FGGY: variants seen among roughly 807,000 people sequenced by gnomAD.
FGGY encodes the protein FGGY carbohydrate kinase domain containing, also known as FGGY carbohydrate kinase domain-containing protein.
A neutral mutation model predicts 71.3 loss-of-function variants in FGGY; 72 were observed. The ratio of observed to expected loss-of-function variants is 1.01; its 90% CI spans 0.84 to 1.23. FGGY has a LOEUF of 1.23. FGGY is among the 50% of genes most tolerant of loss of function. The pLI is 0.00. For synonymous variants in FGGY, 251 were observed against 250.3 expected (o/e 1.00, Z -0.02); for missense variants, 668 against 682.3 (o/e 0.98, Z 0.23).
At chr1:59,515,391 T>C (rs2094617667) in intron 7 of FGGY, among the ~76,000 whole-genome samples, 1 of 152,138 alleles carries the variant, frequency 6.6e-6, no homozygotes, top group Admixed American at 6.5e-5. Context: ...ACTTGACTTG[T>C]CTCAGATGAG....
chr1:59,415,665 C>G (rs12239522), intron 5 of FGGY, among the ~76,000 whole-genome samples: 3,228 of 152,306 alleles, frequency 0.021, 94 homozygotes, highest in African/African-American at 0.074. Context: ...TAGCAGTTAT[C>G]ACACTGTTTT....
chr1:59,351,615 A>T (rs530874302), intron 4 of FGGY, among the ~76,000 whole-genome samples: 15 of 152,336 alleles, frequency 9.8e-5, no homozygotes, highest in Non-Finnish European at 1.6e-4. Context: ...TGCTCAGTAC[A>T]TATTTTCTGA....
intron 5 of FGGY, among the ~76,000 whole-genome samples, chr1:59,404,752 G>A (rs1485867540): frequency 6.6e-6 from 1 of 152,184 alleles, no homozygotes; most frequent in Non-Finnish European, 1.5e-5. Context: ...GCTTGATTGA[G>A]TTTGGTGAGA....
intron 14 of FGGY, among the ~76,000 whole-genome samples, chr1:59,699,669 G>T (rs945107102): frequency 2.6e-5 from 4 of 152,128 alleles, no homozygotes; most frequent in Non-Finnish European, 4.4e-5. Flanking sequence ...GCTGAACTTG[G>T]AGTAACATAC....
At chr1:59,313,094 A>G (rs1405395490) in intron 1 of FGGY, among the ~76,000 whole-genome samples, 12 of 152,214 alleles carry the variant, frequency 7.9e-5, no homozygotes, top group African/African-American at 2.9e-4. Context: ...TAATGAGAGC[A>G]GTAAACTGGT....
At chr1:59,647,920 C>T (rs1260271840) in intron 11 of FGGY, among the ~76,000 whole-genome samples, 5 of 98,022 alleles carry the variant, frequency 5.1e-5, no homozygotes, top group Non-Finnish European at 6.1e-5. Flanking sequence ...CACCACAGTC[C>T]CCAGAGTGTG....
At chr1:59,378,301 T>C (rs760882550) in intron 4 of FGGY, among the ~76,000 whole-genome samples, 1 of 152,052 alleles carries the variant, frequency 6.6e-6, no homozygotes, top group Admixed American at 6.6e-5. Flanking sequence ...AGTGAGTAAG[T>C]CTCACAAGAT....
intron 14 of FGGY, among the ~76,000 whole-genome samples, chr1:59,707,517 C>T (rs1357894085): frequency 6.6e-6 from 1 of 152,156 alleles, no homozygotes; most frequent in African/African-American, 2.4e-5. Flanking sequence ...GCCTGAAAGA[C>T]AAGAGAGTGT....
At chr1:59,597,559 C>A (rs2096536342) in intron 8 of FGGY, among the ~76,000 whole-genome samples, 1 of 152,114 alleles carries the variant, frequency 6.6e-6, no homozygotes, top group African/African-American at 2.4e-5. Flanking sequence ...AGAAACTCAC[C>A]CTGGCTTGTA....
chr1:59,573,377 G>T (rs1274511196), intron 8 of FGGY, among the ~76,000 whole-genome samples: 2 of 151,894 alleles, frequency 1.3e-5, no homozygotes, highest in African/African-American at 4.8e-5. Flanking sequence ...TGAATATTTT[G>T]GAGTAAAAGG....
rs1558891776 is a variant in FGGY, at chr1:59,717,603, C to A, written c.1513-40328C>A. ...GTTTGGGATGGCTGAAGAACTTATGCCAAGAAGAGAAGGCACACATGTAGA... is the reference window on the plus strand; with the variant it reads ...GTTTGGGATGGCTGAAGAACTTATGACAAGAAGAGAAGGCACACATGTAGA... On this transcript the variant is annotated intron_variant, in intron 14 of 15. Coordinates refer to ENST00000303721, the MANE Select transcript of FGGY (RefSeq NM_018291.5). Among the ~76,000 whole-genome samples the A allele has an allele frequency of 3.3e-5, 5 of 152,050 alleles. No homozygotes were observed. The South Asian group carries it at 8.3e-4, about 25-fold the overall frequency.
intron 4 of FGGY, among the ~76,000 whole-genome samples, chr1:59,347,095 G>A (rs537714574): frequency 0.045 from 491 of 10,830 alleles, 5 homozygotes; most frequent in African/African-American, 0.16. Flanking sequence ...TTTTTTTTTC[G>A]GTTATTCTTT....
intron 10 of FGGY, chr1:59,626,484 A>G (rs2096857425): frequency 1.3e-5 from 2 of 154,346 alleles, no homozygotes; most frequent in Non-Finnish European, 2.9e-5. Context: ...GAGTGCAAAA[A>G]AAATTTACGA....
At chr1:59,362,130 C>A (rs2055677207) in intron 4 of FGGY, among the ~76,000 whole-genome samples, 1 of 152,122 alleles carries the variant, frequency 6.6e-6, no homozygotes, top group African/African-American at 2.4e-5. Context: ...TTAAGCTGTT[C>A]TTTTTCTTCA....
intron 7 of FGGY, among the ~76,000 whole-genome samples, chr1:59,530,440 C>T (rs890997531): frequency 2.7e-4 from 41 of 152,178 alleles, no homozygotes; most frequent in African/African-American, 9.4e-4. Flanking sequence ...TCTCTGTCCT[C>T]AAAGAGCTCC....
At position 59,472,097 on chromosome 1, in the gene FGGY, C is replaced by T. The variant is rs551784298; in HGVS notation, c.670+15021C>T. On this transcript the variant is annotated intron_variant, in intron 6 of 15. Coordinates refer to ENST00000303721, the MANE Select transcript of FGGY (RefSeq NM_018291.5). ...TTTCTGGGCTGGCCAAGGCCGGAGCCGGCCCCCTCAGCTTGCGGGGAGGTG... is the reference window on the plus strand; with the variant it reads ...TTTCTGGGCTGGCCAAGGCCGGAGCTGGCCCCCTCAGCTTGCGGGGAGGTG... Among the ~76,000 whole-genome samples, 14 of 152,352 alleles carry T rather than the reference C, an allele frequency of 9.2e-5. No individual in the cohort carries two copies. In the East Asian group the frequency reaches 1.9e-3, roughly 21 times the overall value.
At chr1:59,305,542 T>A (rs61788315) in intron 1 of FGGY, among the ~76,000 whole-genome samples, 4 of 152,208 alleles carry the variant, frequency 2.6e-5, no homozygotes, top group African/African-American at 7.2e-5. Flanking sequence ...CTTGTCTAGC[T>A]TTAGTTTAAG....
At chr1:59,723,747 T>C (rs2097917024) in intron 14 of FGGY, among the ~76,000 whole-genome samples, 1 of 152,214 alleles carries the variant, frequency 6.6e-6, no homozygotes, top group South Asian at 2.1e-4. Flanking sequence ...CTCCTGAATT[T>C]TTAAAATTTA....
intron 7 of FGGY, among the ~76,000 whole-genome samples, chr1:59,523,298 C>T (rs2153651599): frequency 6.6e-6 from 1 of 152,332 alleles, no homozygotes; most frequent in Non-Finnish European, 1.5e-5. Flanking sequence ...GCTTCACATC[C>T]ATATACTGTT....
Sources: gnomAD v4.1 joint callset for allele counts (sites outside exome capture counted in the v4.1 genomes callset) on GRCh38, gnomAD v4.1.1 for gene constraint, MANE v1.5 for transcripts, NCBI Gene and HGNC (gene_info 2026-07-23, HGNC 2026-07-21) for gene names.